FHAD1: variants seen among roughly 807,000 people sequenced by gnomAD.
FHAD1 encodes forkhead associated phosphopeptide binding domain 1.
A neutral mutation model predicts 191.3 loss-of-function variants in FHAD1; 146 were observed. The observed-to-expected ratio is 0.76, with a 90% CI of 0.67 to 0.88. FHAD1 has a LOEUF of 0.88. Ranked by LOEUF, FHAD1 falls within the 40% of genes least tolerant of loss-of-function variation. The probability of loss-of-function intolerance (pLI) is 0.00; values close to 1 mark genes in which losing one functional copy is unlikely to be tolerated. For synonymous variants in FHAD1, 616 were observed against 672.3 expected, an observed-to-expected ratio of 0.92 and a Z score of 1.29; for missense variants, 1,635 against 1,785.8, an observed-to-expected ratio of 0.92 and a Z score of 1.52.
At chr1:15,279,633 A>G (rs558071591) in intron 3 of FHAD1, among the ~76,000 whole-genome samples, 67 of 151,250 alleles carry the variant, frequency 4.4e-4, no homozygotes, top group African/African-American at 1.6e-3. Flanking sequence ...CCCCACCTGT[A>G]ATGAGGTGGC....
chr1:15,340,998 A>G (rs572845902), intron 15 of FHAD1, among the ~76,000 whole-genome samples: 1 of 152,206 alleles, frequency 6.6e-6, no homozygotes, highest in Non-Finnish European at 1.5e-5. Context: ...CCTGGCCAAC[A>G]TGGTAAAACC....
In FHAD1 at chr1:15,289,866, T is replaced by A. The variant is rs1663930706; in HGVS notation, c.568+200T>A. ...TTATCCCCAGGGTCTCCCTATTGAC[T>A]CTCTGCTGCGTATCCCTCCAGCCTC... On this transcript the variant is annotated intron_variant, in intron 4 of 33. Coordinates refer to ENST00000688493, the MANE Select transcript of FHAD1 (RefSeq NM_001391957.1). The surrounding 1 kb of genome is among the most constrained non-coding windows in gnomAD (Gnocchi z 4.2). 6.6e-6 allele frequency among the ~76,000 whole-genome samples: 1 copy of A among 152,194 alleles called. No individual in the cohort carries two copies. Among genetic ancestry groups the A allele is most frequent in the African/African-American group, 2.4e-5 (1 of 41,442 alleles).
intron 23 of FHAD1, chr1:15,363,972 A>G (rs188555208): frequency 2.9e-6 from 1 of 346,700 alleles, no homozygotes; most frequent in East Asian, 7.7e-5. Flanking sequence ...AAGGATACTC[A>G]GCCTCCGCAT....
At chr1:15,384,874 C>T (rs1039268236) in intron 31 of FHAD1, among the ~76,000 whole-genome samples, 4 of 152,316 alleles carry the variant, frequency 2.6e-5, no homozygotes, top group East Asian at 3.9e-4. Context: ...GGCATCTGCC[C>T]GCTGAGAGGG....
intron 4 of FHAD1, among the ~76,000 whole-genome samples, chr1:15,291,203 T>G (rs766075334): frequency 5.4e-5 from 8 of 148,676 alleles, no homozygotes; most frequent in Non-Finnish European, 1.2e-4. Flanking sequence ...TGCCTCAGCC[T>G]CCCAAGTAGC....
downstream of FHAD1, among the ~76,000 whole-genome samples, chr1:15,402,442 C>T (rs1414076591): frequency 6.6e-6 from 1 of 152,172 alleles, no homozygotes; most frequent in Admixed American, 6.5e-5. Flanking sequence ...CCAAGGAGCA[C>T]TTACTTTTGA....
Position 15,345,141 on chromosome 1 carries a change from A to G in FHAD1, c.2189A>G (p.Glu730Gly). ...AGAGCGAAAGAGACTTTAGAGGAAG[A>G]ACGGAAGAGAATGCAAGAACTGGAG... ...RNRAKETLEE[E>G]RKRMQELESL... The change falls in exon 17 of 34, where the codon GAA becomes GGA. Residue 730 changes from glutamate to glycine, a missense_variant. Transcript: ENST00000688493. 1 of 1,551,880 alleles carries G rather than the reference A, an allele frequency of 6.4e-7. No homozygotes were observed. The highest frequency in any genetic ancestry group is 2.4e-5 in the East Asian group (1 of 40,908).
chr1:15,241,956 C>T (rs376494949), intron 1 of FHAD1, among the ~76,000 whole-genome samples: 5 of 152,114 alleles, frequency 3.3e-5, no homozygotes, highest in African/African-American at 4.8e-5. Flanking sequence ...ACAAAAAGGC[C>T]GGGTGCAGTG....
chr1:15,341,378 G>T (rs1686622451), intron 15 of FHAD1, among the ~76,000 whole-genome samples: 1 of 152,270 alleles, frequency 6.6e-6, no homozygotes, highest in Middle Eastern at 3.4e-3. Context: ...GCTCCTACAT[G>T]ACTGCTTTTT....
At chr1:15,271,176 G>A (rs7549794) in intron 2 of FHAD1, among the ~76,000 whole-genome samples, 85,913 of 143,158 alleles carry the variant, frequency 0.6, 26,333 homozygotes, top group East Asian at 0.82. Flanking sequence ...AGCTGGGCGT[G>A]GTAGCACATG....
chr1:15,262,504 C>T (rs901335305), intron 2 of FHAD1, among the ~76,000 whole-genome samples: 3 of 152,170 alleles, frequency 2.0e-5, no homozygotes, highest in Admixed American at 1.3e-4. Flanking sequence ...CGCCTGGGCT[C>T]AAGTAATCCT....
At chr1:15,365,646 G>T (rs532789198) in intron 23 of FHAD1, among the ~76,000 whole-genome samples, 181 bp from the exon 24 acceptor site, 1 of 152,120 alleles carries the variant, frequency 6.6e-6, no homozygotes, top group Non-Finnish European at 1.5e-5. Context: ...TAAATGAGGT[G>T]CATGAAAAAA....
intron 6 of FHAD1, among the ~76,000 whole-genome samples, chr1:15,305,426 G>A (rs573886274): frequency 2.4e-4 from 37 of 152,120 alleles, no homozygotes; most frequent in Non-Finnish European, 4.9e-4. Flanking sequence ...GAAAGAACTG[G>A]AAGCAGGCAA....
rs901864655 is a variant in FHAD1 at position 15,341,722 on chromosome 1, T to A, written c.1978-14T>A. On this transcript the variant is annotated splice_polypyrimidine_tract_variant and intron_variant, in intron 15 of 33. Coordinates refer to ENST00000688493, the MANE Select transcript of FHAD1 (RefSeq NM_001391957.1). The stretch of plus-strand genomic sequence containing the variant: ...GTCCCCCATCAGCATCGGTTTACTT[T>A]TCTCACATTTCAGATCAAGTTCAAC... The A allele has an allele frequency of 6.5e-7, 1 of 1,545,162 alleles. No homozygotes were observed. Among genetic ancestry groups the A allele is most frequent in the Non-Finnish European group, 8.7e-7 (1 of 1,143,598 alleles).
chr1:15,307,002 C>T (rs766312360), intron 6 of FHAD1, among the ~76,000 whole-genome samples: 49 of 152,286 alleles, frequency 3.2e-4, no homozygotes, highest in Non-Finnish European at 4.6e-4. Flanking sequence ...CTGGAAAAGC[C>T]GCAGACACTC....
At chr1:15,302,442 A>G (rs1669104333) in intron 6 of FHAD1, among the ~76,000 whole-genome samples, 1 of 152,034 alleles carries the variant, frequency 6.6e-6, no homozygotes, top group Non-Finnish European at 1.5e-5. Context: ...TTGGTCAGTG[A>G]TGGCTGGGCG....
In FHAD1 at chr1:15,308,714, G is replaced by A. The variant is rs767588298; in HGVS notation, c.1017G>A (p.Lys339=). The change falls in exon 7 of 34, where the codon AAG becomes AAA. Residue 339 remains lysine (K), a synonymous_variant. Transcript: ENST00000688493. Reference sequence around the variant, plus strand: ...TGAAGAATGAGGGCGAGAACTTAAAGAGAGACAACGCTATCACATCAGGTG... The same window carrying A: ...TGAAGAATGAGGGCGAGAACTTAAAAAGAGACAACGCTATCACATCAGGTG... ...TSLKNEGENL[K]RDNAITSGMV... is the part of the protein sequence containing the mutation. The A allele has an allele frequency of 1.3e-5, 20 of 1,551,636 alleles. No homozygotes were observed. Among genetic ancestry groups the A allele is most frequent in the Non-Finnish European group, 5.2e-6 (6 of 1,147,022 alleles).
At chr1:15,283,186 C>T (rs539718928) in intron 3 of FHAD1, among the ~76,000 whole-genome samples, 38 of 152,298 alleles carry the variant, frequency 2.5e-4, no homozygotes, top group African/African-American at 8.2e-4. Flanking sequence ...GGGGTGGTAC[C>T]TTTTGGGTGT....
intron 22 of FHAD1, among the ~76,000 whole-genome samples, chr1:15,362,123 G>T (rs115493659): frequency 6.6e-6 from 1 of 152,180 alleles, no homozygotes; most frequent in African/African-American, 2.4e-5. Flanking sequence ...TGTCACCCCC[G>T]TACTTAGACC....
Sources: gnomAD v4.1 joint callset for allele counts (sites outside exome capture counted in the v4.1 genomes callset) on GRCh38, gnomAD v4.1.1 for gene constraint, Gnocchi (gnomAD v3.1) non-coding constraint, MANE v1.5 for transcripts, NCBI Gene and HGNC (gene_info 2026-07-23, HGNC 2026-07-21) for gene names.